Variants in LRRC7 observed in about 807,000 individuals in gnomAD.
LRRC7 encodes the protein leucine-rich repeat-containing protein 7.
LRRC7 carries 23 observed loss-of-function variants against 175.7 expected under a neutral mutation model. The ratio of observed to expected loss-of-function variants is 0.13; its 90% CI spans 0.09 to 0.19. The LOEUF (loss-of-function observed/expected upper bound fraction) is 0.19. Among genes scored for constraint, LRRC7 ranks in the 10% least tolerant of loss-of-function variants. LRRC7 has a pLI of 1.00. For synonymous variants in LRRC7, 685 were observed against 680.9 expected (o/e 1.01, Z -0.09); for missense variants, 1,354 against 1,904.7 (o/e 0.71, Z 5.38).
chr1:69,783,896 A>T (rs1335424665), intron 3 of LRRC7, among the ~76,000 whole-genome samples: 3 of 152,122 alleles, frequency 2.0e-5, no homozygotes, highest in Non-Finnish European at 4.4e-5. Flanking sequence ...GAAGAAAAAT[A>T]AATAATTTTA....
chr1:69,857,155 A>T (rs376509990), intron 7 of LRRC7, among the ~76,000 whole-genome samples: 2 of 152,164 alleles, frequency 1.3e-5, no homozygotes, highest in South Asian at 2.1e-4. Flanking sequence ...ACAGCCAATA[A>T]CATACTGAAT....
chr1:70,121,683 T>G, intron 26 of LRRC7, 97 bp from the exon 27 acceptor site: 1 of 751,526 alleles, frequency 1.3e-6, no homozygotes, highest in Non-Finnish European at 2.2e-6. Context: ...CTGACAACTT[T>G]TTGTTGCTCA....
intron 23 of LRRC7, among the ~76,000 whole-genome samples, chr1:70,073,683 C>T (rs4649909): frequency 6.6e-6 from 1 of 152,184 alleles, no homozygotes; most frequent in Non-Finnish European, 1.5e-5. Flanking sequence ...TCTATATGAT[C>T]ACTTTCAATT....
chr1:69,970,557 C>A (rs2101866137), intron 8 of LRRC7, among the ~76,000 whole-genome samples: 1 of 152,234 alleles, frequency 6.6e-6, no homozygotes, highest in East Asian at 1.9e-4. Context: ...TGGGAAAATA[C>A]AACCTTCCTA....
chr1:69,912,621 C>A (rs913922525), intron 7 of LRRC7, among the ~76,000 whole-genome samples: 1 of 152,128 alleles, frequency 6.6e-6, no homozygotes, highest in African/African-American at 2.4e-5. Flanking sequence ...CTCAAAAGTT[C>A]TATCAAGCAT....
At chr1:69,996,982 C>T (rs1413864205) in intron 11 of LRRC7, among the ~76,000 whole-genome samples, 1 of 152,162 alleles carries the variant, frequency 6.6e-6, no homozygotes, top group African/African-American at 2.4e-5. Context: ...CTGTAAATTA[C>T]CTTGCGCAAT....
At chr1:69,619,318 C>CT (rs1650183533) in intron 1 of LRRC7, among the ~76,000 whole-genome samples, 1 of 152,122 alleles carries the variant, frequency 6.6e-6, no homozygotes, top group Non-Finnish European at 1.5e-5. Context: ...AGTAAAACTA[C>CT]TATTATCTTA....
At chr1:69,866,026 A>C (rs1035554126) in intron 7 of LRRC7, among the ~76,000 whole-genome samples, 2 of 152,242 alleles carry the variant, frequency 1.3e-5, no homozygotes, top group Non-Finnish European at 2.9e-5. Context: ...ACCATTGGGC[A>C]AGATGAAACA....
At chr1:69,918,138 C>G (rs1161564538) in intron 7 of LRRC7, among the ~76,000 whole-genome samples, 3 of 152,130 alleles carry the variant, frequency 2.0e-5, no homozygotes, top group Non-Finnish European at 4.4e-5. Flanking sequence ...AAGGTCATTC[C>G]CATTTAGAAA....
chr1:69,943,256 A>T (rs1379474574), intron 8 of LRRC7, among the ~76,000 whole-genome samples: 1 of 152,170 alleles, frequency 6.6e-6, no homozygotes, highest in Non-Finnish European at 1.5e-5. Flanking sequence ...ATACAATGGA[A>T]TAGTATTCAG....
intron 26 of LRRC7, among the ~76,000 whole-genome samples, chr1:70,109,117 G>A (rs895652590): frequency 1.3e-5 from 2 of 152,082 alleles, no homozygotes; most frequent in Admixed American, 1.3e-4. Flanking sequence ...CACCTCCCGG[G>A]TTCAAGCAAT....
intron 1 of LRRC7, among the ~76,000 whole-genome samples, chr1:69,585,584 G>A (rs1020879539): frequency 1.3e-5 from 2 of 152,120 alleles, no homozygotes; most frequent in African/African-American, 4.8e-5. Flanking sequence ...TACAAATTGT[G>A]TCATTATGAA....
rs1292624940 is a variant in LRRC7, at chr1:70,125,569, G to T, written c.*3682G>T. Among the ~76,000 whole-genome samples the T allele has an allele frequency of 1.3e-5, 2 of 152,050 alleles. No homozygotes were observed. The highest frequency in any genetic ancestry group is 4.8e-5 in the African/African-American group (2 of 41,414). On this transcript the variant is annotated 3_prime_UTR_variant, in exon 27 of 27. Coordinates refer to ENST00000651989, the MANE Select transcript of LRRC7 (RefSeq NM_001370785.2). Reference sequence around the variant, plus strand: ...GCACTTTGGGAGGCCGAGGCGGGCGGATCACGAGGTCAGGAGATCGAGACC... The same window carrying T: ...GCACTTTGGGAGGCCGAGGCGGGCGTATCACGAGGTCAGGAGATCGAGACC...
chr1:69,633,727 C>G (rs540579166), intron 1 of LRRC7, among the ~76,000 whole-genome samples: 1 of 152,088 alleles, frequency 6.6e-6, no homozygotes, highest in Admixed American at 6.6e-5. Flanking sequence ...CCGTGCCCAG[C>G]CAAACATACT....
At chr1:69,739,310 C>A (rs1368011644) in intron 2 of LRRC7, among the ~76,000 whole-genome samples, 4 of 151,948 alleles carry the variant, frequency 2.6e-5, no homozygotes, top group Non-Finnish European at 5.9e-5. Context: ...AGAAGGCATG[C>A]CAAGCTAAGG....
intron 11 of LRRC7, among the ~76,000 whole-genome samples, chr1:69,995,329 A>G (rs992151235): frequency 6.6e-6 from 1 of 152,204 alleles, no homozygotes; most frequent in African/African-American, 2.4e-5. Context: ...CTTCATTCTG[A>G]AATTATGTAA....
At chr1:69,926,739 G>A (rs1381220775) in intron 7 of LRRC7, among the ~76,000 whole-genome samples, 3 of 152,128 alleles carry the variant, frequency 2.0e-5, no homozygotes, top group African/African-American at 4.8e-5. Flanking sequence ...ACAGCACACT[G>A]ATGGGTCTTG....
At position 70,144,303 on chromosome 1, in the gene LRRC7, T is replaced by C. The variant is rs1273036303; in HGVS notation, c.*22416T>C. The C allele has an allele frequency of 2.0e-5, 3 of 152,178 alleles. No homozygotes were observed. The highest frequency in any genetic ancestry group is 4.4e-5 in the Non-Finnish European group (3 of 68,032). 9.4% of individuals were successfully genotyped at this position (152,178 alleles called of 1,614,324 possible). On this transcript the variant is annotated 3_prime_UTR_variant, in exon 27 of 27. Coordinates refer to ENST00000651989, the MANE Select transcript of LRRC7 (RefSeq NM_001370785.2). ...TCAACTTTTTCAGTATTTAAAAAAG[T>C]GTTTTGAATAACATAAAAGTCTCCT...
chr1:69,834,913 G>T, intron 6 of LRRC7, 44 bp downstream of exon 6: 3 of 1,489,304 alleles, frequency 2.0e-6, no homozygotes, highest in Non-Finnish European at 2.8e-6. Context: ...TCTCACCTTA[G>T]GTAAGTGCTT....
Sources: gnomAD v4.1 joint callset for allele counts (sites outside exome capture counted in the v4.1 genomes callset) on GRCh38, gnomAD v4.1.1 for gene constraint, MANE v1.5 for transcripts, NCBI Gene and HGNC (gene_info 2026-07-23, HGNC 2026-07-21) for gene names.